The following PRR16 variants were observed in gnomAD, a reference collection of about 807,000 sequenced individuals.
PRR16 encodes protein Largen.
In PRR16, 6 loss-of-function variants were observed where a neutral mutation model predicts 18.2. The ratio of observed to expected loss-of-function variants is 0.33; its 90% confidence interval spans 0.18 to 0.65. The LOEUF (loss-of-function observed/expected upper bound fraction) is 0.65. Among genes scored for constraint, PRR16 ranks in the 30% least tolerant of loss-of-function variants. The probability of loss-of-function intolerance (pLI) is 0.74; values close to 1 mark genes in which losing one functional copy is unlikely to be tolerated. For missense variants in PRR16, 412 were observed against 376.6 expected (o/e 1.09, Z -0.78); for synonymous variants, 151 against 147.8 (o/e 1.02, Z -0.16).
chr5:120,535,932 A>G (rs902758544), intron 1 of PRR16, among the ~76,000 whole-genome samples: 13 of 152,202 alleles, frequency 8.5e-5, no homozygotes, highest in African/African-American at 3.1e-4. Context: ...GTGAGATTCC[A>G]TCTCTATTTT....
In PRR16 at chr5:120,686,623, C is replaced by A. The variant is rs200980792; in HGVS notation, c.829C>A (p.Pro277Thr). ...AATAAGCCACAGTAACAGCTTCCCC[C>A]CTATCAGACCTGCAACTGTGCCTCC... is the stretch of plus-strand genomic sequence containing the variant. ...MGISHSNSFP[P>T]IRPATVPPPT... Residue 277 changes from proline to threonine, a missense_variant, in exon 2 of 2, where the codon CCT (proline) becomes ACT (threonine). Pro to Thr is a conservative substitution (Grantham distance 38, BLOSUM62 -1). Transcript: ENST00000407149. 207 of 1,609,154 alleles carry A rather than the reference C, an allele frequency of 1.3e-4. No homozygotes were observed. The highest frequency in any genetic ancestry group is 2.8e-4 in the African/African-American group (21 of 74,942).
chr5:120,751,173 C>A, the PRR16 span, among the ~76,000 whole-genome samples: 1 of 152,014 alleles, frequency 6.6e-6, no homozygotes, highest in Non-Finnish European at 1.5e-5. Context: ...ACCACTTTTC[C>A]GTATTCATTC....
intron 1 of PRR16, among the ~76,000 whole-genome samples, chr5:120,642,275 CT>C (rs1023915518): frequency 6.0e-5 from 9 of 149,548 alleles, no homozygotes; most frequent in African/African-American, 2.0e-4. Flanking sequence ...TTTTTTTCCC[CT>C]AACAGTGGTT....
chr5:120,591,620 A>T (rs1009945982), intron 1 of PRR16, among the ~76,000 whole-genome samples: 1 of 151,988 alleles, frequency 6.6e-6, no homozygotes, highest in African/African-American at 2.4e-5. Context: ...TTAAGTAGAA[A>T]CAAACATAAT....
At chr5:120,483,509 A>G (rs1231582389) in intron 1 of PRR16, among the ~76,000 whole-genome samples, 1 of 152,116 alleles carries the variant, frequency 6.6e-6, no homozygotes, top group Admixed American at 6.6e-5. Context: ...AATACATTTG[A>G]CATTATTTCT....
intron 1 of PRR16, among the ~76,000 whole-genome samples, chr5:120,682,455 C>T (rs908207902): frequency 2.6e-5 from 4 of 152,080 alleles, no homozygotes; most frequent in African/African-American, 9.7e-5. Context: ...ATTTTATAGG[C>T]ACTCAGGAAA....
chr5:120,577,615 A>G, intron 1 of PRR16, among the ~76,000 whole-genome samples: 1 of 152,152 alleles, frequency 6.6e-6, no homozygotes. Context: ...AAAGAACACA[A>G]ATGTTTACTT....
At chr5:120,631,868 C>T (rs1316859126) in intron 1 of PRR16, among the ~76,000 whole-genome samples, 1 of 152,164 alleles carries the variant, frequency 6.6e-6, no homozygotes, top group Admixed American at 6.5e-5. Context: ...TTACCTTCCC[C>T]CATAGGACCT....
At chr5:120,749,946 T>C in the PRR16 span, among the ~76,000 whole-genome samples, 1 of 152,164 alleles carries the variant, frequency 6.6e-6, no homozygotes, top group Non-Finnish European at 1.5e-5. Context: ...TGTAACAATT[T>C]ATTTGTCTAA....
chr5:120,712,531 GA>G, the PRR16 span, among the ~76,000 whole-genome samples: 1 of 151,758 alleles, frequency 6.6e-6, no homozygotes, highest in Non-Finnish European at 1.5e-5. Context: ...TACAGATTGG[GA>G]AAAATATATG....
chr5:120,662,157 A>G (rs1212904040), intron 1 of PRR16, among the ~76,000 whole-genome samples: 1 of 152,144 alleles, frequency 6.6e-6, no homozygotes, highest in African/African-American at 2.4e-5. Flanking sequence ...CAGATCTTTT[A>G]TTAAGGTATA....
At chr5:120,509,296 G>A (rs562738382) in intron 1 of PRR16, among the ~76,000 whole-genome samples, 1 of 152,004 alleles carries the variant, frequency 6.6e-6, no homozygotes, top group Non-Finnish European at 1.5e-5. Flanking sequence ...TTCTGTTGAG[G>A]TCTCTTCATC....
chr5:120,562,783 C>T (rs1179643749), intron 1 of PRR16, among the ~76,000 whole-genome samples: 1 of 152,090 alleles, frequency 6.6e-6, no homozygotes, highest in Non-Finnish European at 1.5e-5. Flanking sequence ...AACTCTACAC[C>T]TTAACTCTGT....
intron 1 of PRR16, among the ~76,000 whole-genome samples, chr5:120,589,399 TACTC>T (rs1309836765): frequency 6.6e-6 from 1 of 152,084 alleles, no homozygotes; most frequent in African/African-American, 2.4e-5. Context: ...CCTAGGATAA[TACTC>T]ACAAATTCTC....
At chr5:120,650,503 G>T (rs1456765777) in intron 1 of PRR16, among the ~76,000 whole-genome samples, 1 of 97,582 alleles carries the variant, frequency 1.0e-5, no homozygotes, top group Non-Finnish European at 1.9e-5. Flanking sequence ...AACAGGCCCC[G>T]GTGTGTGATG....
the PRR16 span, among the ~76,000 whole-genome samples, chr5:120,786,150 T>C: frequency 6.6e-6 from 1 of 151,746 alleles, no homozygotes; most frequent in Non-Finnish European, 1.5e-5. Context: ...TATTGTTTTA[T>C]GAGTCACAAA....
rs138245974 is a variant in PRR16, at chr5:120,566,687, C to T, written c.159+102042C>T. Among the ~76,000 whole-genome samples, 861 of 152,276 alleles carry T rather than the reference C, an allele frequency of 5.7e-3. 6 individuals are homozygous for T. The highest frequency in any genetic ancestry group is 7.6e-3 in the Non-Finnish European group (520 of 68,022). ...TGATTAATTTTTGAATAGCTGTACACACTATAAAATTTAAATGTTGTGAAA... is the reference window on the plus strand; with the variant it reads ...TGATTAATTTTTGAATAGCTGTACATACTATAAAATTTAAATGTTGTGAAA... On this transcript the variant is annotated intron_variant, in intron 1 of 1. Coordinates refer to ENST00000407149, the MANE Select transcript of PRR16 (RefSeq NM_001300783.2).
chr5:120,748,283 A>G, the PRR16 span, among the ~76,000 whole-genome samples: 1 of 152,246 alleles, frequency 6.6e-6, no homozygotes, highest in South Asian at 2.1e-4. Context: ...AGATTTGTTA[A>G]TATCTATCTC....
intron 1 of PRR16, among the ~76,000 whole-genome samples, chr5:120,545,155 T>C (rs1265968028): frequency 6.6e-6 from 1 of 152,148 alleles, no homozygotes; most frequent in East Asian, 1.9e-4. Context: ...TTCTTCTTTT[T>C]AATTGCCTAC....
Sources: gnomAD v4.1 joint callset for allele counts (sites outside exome capture counted in the v4.1 genomes callset) on GRCh38, gnomAD v4.1.1 for gene constraint, MANE v1.5 for transcripts, NCBI Gene and HGNC (gene_info 2026-07-23, HGNC 2026-07-21) for gene names.